Variants in CSMD1 observed in about 807,000 individuals in gnomAD.
The protein encoded by CSMD1 is CUB and sushi domain-containing protein 1.
CSMD1 carries 213 observed loss-of-function variants against 417.5 expected under a neutral mutation model. The observed-to-expected ratio is 0.51, with a 90% confidence interval of 0.46 to 0.57. CSMD1 has a LOEUF of 0.57. Among genes scored for constraint, CSMD1 ranks in the 20% least tolerant of loss-of-function variants. CSMD1 has a pLI of 0.00. For missense variants in CSMD1, 6,923 were observed against 4,529.7 expected, an observed-to-expected ratio of 1.53 and a Z score of -15.17; for synonymous variants, 2,862 against 1,736.8, an observed-to-expected ratio of 1.65 and a Z score of -16.11.
intron 5 of CSMD1, among the ~76,000 whole-genome samples, chr8:3,844,618 C>G (rs914415331): frequency 2.0e-5 from 3 of 152,156 alleles, no homozygotes; most frequent in Non-Finnish European, 4.4e-5. Context: ...GTCCTCCCAT[C>G]TGCAGATGGA....
intron 2 of CSMD1, among the ~76,000 whole-genome samples, chr8:4,513,543 T>A (rs1401664866): frequency 6.6e-6 from 1 of 152,190 alleles, no homozygotes; most frequent in Non-Finnish European, 1.5e-5. Context: ...TTTCATGAAA[T>A]CTTCTAGAGA....
chr8:3,660,008 G>A (rs950204893), intron 7 of CSMD1, among the ~76,000 whole-genome samples: 3 of 152,108 alleles, frequency 2.0e-5, no homozygotes, highest in Admixed American at 6.5e-5. Flanking sequence ...TGAACAATAC[G>A]TATCTAATCG....
intron 26 of CSMD1, among the ~76,000 whole-genome samples, chr8:3,266,642 G>A (rs1414761600): frequency 6.7e-6 from 1 of 149,728 alleles, no homozygotes. Flanking sequence ...AGGCATGGTG[G>A]CAAGCATCTG....
At chr8:3,313,571 C>T (rs554769824) in intron 23 of CSMD1, among the ~76,000 whole-genome samples, 4 of 152,342 alleles carry the variant, frequency 2.6e-5, no homozygotes, top group African/African-American at 9.6e-5. Flanking sequence ...GATACTATCT[C>T]ACACGAGTTA....
rs117326611 is a variant in CSMD1 at position 3,493,355 on chromosome 8, C to T, written c.1448+268G>A. Among the ~76,000 whole-genome samples the T allele has an allele frequency of 5.9e-3, 884 of 150,062 alleles. 5 individuals are homozygous for T. Among genetic ancestry groups the T allele is most frequent in the Non-Finnish European group, 8.7e-3 (587 of 67,742 alleles). On this transcript the variant is annotated intron_variant, in intron 11 of 69. Transcript: ENST00000635120. ...GATTTGAAAAATTTATTGTTTTTTG[C>T]TACCTCATGAGTATACTAATTTTTT...
chr8:3,827,750 A>C (rs950936826), intron 5 of CSMD1, among the ~76,000 whole-genome samples: 1 of 152,206 alleles, frequency 6.6e-6, no homozygotes, highest in Admixed American at 6.5e-5. Flanking sequence ...TCACTATACG[A>C]TAATGAATAG....
At chr8:4,738,577 G>T (rs1810395497) in intron 1 of CSMD1, among the ~76,000 whole-genome samples, 2 of 152,004 alleles carry the variant, frequency 1.3e-5, no homozygotes, top group South Asian at 4.1e-4. Flanking sequence ...GACTTGAATG[G>T]GGACACAAAG....
At chr8:3,626,657 G>C (rs553753344) in intron 7 of CSMD1, among the ~76,000 whole-genome samples, 2 of 151,490 alleles carry the variant, frequency 1.3e-5, no homozygotes, top group East Asian at 1.9e-4. Context: ...TAGTTCATTA[G>C]TGATTTCAGG....
At chr8:3,422,690 T>C (rs1813570645) in intron 12 of CSMD1, among the ~76,000 whole-genome samples, 1 of 152,242 alleles carries the variant, frequency 6.6e-6, no homozygotes, top group Non-Finnish European at 1.5e-5. Context: ...CCAGTGATTT[T>C]ATGTATTTTT....
chr8:4,131,506 C>T (rs1430733389), intron 3 of CSMD1, among the ~76,000 whole-genome samples: 1 of 152,146 alleles, frequency 6.6e-6, no homozygotes, highest in Non-Finnish European at 1.5e-5. Context: ...CTTGGATATT[C>T]ACTAAACATT....
chr8:3,539,339 C>G (rs1056736647), intron 10 of CSMD1, among the ~76,000 whole-genome samples: 1 of 152,176 alleles, frequency 6.6e-6, no homozygotes, highest in African/African-American at 2.4e-5. Context: ...TTTCTCTACT[C>G]CTGGTTTTGC....
intron 5 of CSMD1, among the ~76,000 whole-genome samples, chr8:3,859,989 G>C (rs1481910881): frequency 3.3e-5 from 5 of 152,112 alleles, no homozygotes; most frequent in Non-Finnish European, 7.3e-5. Context: ...GGGTGGTTTT[G>C]GGAAACCCAA....
At chr8:4,006,641 G>T (rs1463504630) in intron 4 of CSMD1, among the ~76,000 whole-genome samples, 1 of 152,154 alleles carries the variant, frequency 6.6e-6, no homozygotes, top group African/African-American at 2.4e-5. Context: ...AAGCAAGAGA[G>T]GGAACAGCAC....
intron 3 of CSMD1, among the ~76,000 whole-genome samples, chr8:4,204,310 G>C (rs900635132): frequency 6.6e-6 from 1 of 150,582 alleles, no homozygotes. Context: ...TTCTTTCTCA[G>C]AATCAGAATA....
intron 3 of CSMD1, among the ~76,000 whole-genome samples, chr8:4,280,796 A>G (rs1490901502): frequency 6.6e-6 from 1 of 152,180 alleles, no homozygotes; most frequent in Non-Finnish European, 1.5e-5. Context: ...ATTTGAACGT[A>G]TGTTAAAATT....
chr8:4,963,767 A>T (rs1046051070), intron 1 of CSMD1, among the ~76,000 whole-genome samples: 5 of 152,202 alleles, frequency 3.3e-5, no homozygotes, highest in African/African-American at 1.2e-4. Flanking sequence ...ACAAAATAAC[A>T]TGACTTTCAT....
In CSMD1 at chr8:3,871,282, G is replaced by C. The variant is rs983846834; in HGVS notation, c.819-117240C>G. Among the ~76,000 whole-genome samples, 86 of 152,004 alleles carry C rather than the reference G, an allele frequency of 5.7e-4. 1 individual carries two copies. Among genetic ancestry groups the C allele is most frequent in the African/African-American group, 7.9e-4 (33 of 41,514 alleles). ...ATGCCAAATTACTCTTCAATAAAAA[G>C]CTGCACTGATTTATACTCCTACTAG... is the stretch of plus-strand genomic sequence containing the variant. On this transcript the variant is annotated intron_variant, in intron 5 of 69. Transcript: ENST00000635120.
intron 2 of CSMD1, among the ~76,000 whole-genome samples, chr8:4,616,906 A>G (rs1181541058): frequency 6.6e-6 from 1 of 152,188 alleles, no homozygotes; most frequent in Non-Finnish European, 1.5e-5. Context: ...ATTGGATATT[A>G]ATAATATAAC....
intron 1 of CSMD1, among the ~76,000 whole-genome samples, chr8:4,750,746 T>C (rs953532100): frequency 6.6e-6 from 1 of 151,932 alleles, no homozygotes; most frequent in East Asian, 1.9e-4. Context: ...ACCGAATTAC[T>C]TCCCAAGGAA....
Sources: gnomAD v4.1 joint callset for allele counts (sites outside exome capture counted in the v4.1 genomes callset) on GRCh38, gnomAD v4.1.1 for gene constraint, MANE v1.5 for transcripts, NCBI Gene and HGNC (gene_info 2026-07-23, HGNC 2026-07-21) for gene names.